PKD1L3: variants seen among roughly 807,000 people sequenced by gnomAD.
The protein encoded by PKD1L3 is polycystin 1 like 3, transient receptor potential channel interacting.
PKD1L3 carries 239 observed loss-of-function variants against 184.1 expected under a neutral mutation model. That is an observed-to-expected ratio of 1.30 (90% CI 1.17 to 1.45). The LOEUF is 1.45. PKD1L3 is among the 40% of genes most tolerant of loss of function. PKD1L3 has a pLI of 0.00. For missense variants in PKD1L3, 2,660 were observed against 2,067.2 expected (o/e 1.29, Z -5.56); for synonymous variants, 996 against 778.8 (o/e 1.28, Z -4.64).
rs998506440 is a variant in PKD1L3 at position 71,977,088 on chromosome 16, T to C, written c.1759+148A>G. ...ATTAGCCAGATGTGGTGGTGCGCAC[T>C]TGTAGTCCCAGCTACTTAAGAGGCT... On this transcript the variant is annotated intron_variant, in intron 11 of 29. Transcript: ENST00000620267. 4.5e-5 allele frequency: 30 copies of C among 662,480 alleles called. No individual in the cohort carries two copies. In the Admixed American group the frequency reaches 7.8e-4, roughly 17 times the overall value. 41.0% of individuals were successfully genotyped at this position (662,480 alleles called of 1,614,324 possible).
chr16:71,931,424 C>T (rs1409359416), intron 28 of PKD1L3, among the ~76,000 whole-genome samples: 1 of 150,634 alleles, frequency 6.6e-6, no homozygotes, highest in Non-Finnish European at 1.5e-5. Flanking sequence ...TTTTTAATTG[C>T]AAGCTTCCCT....
At chr16:71,944,957 C>A (rs1597293410) in intron 22 of PKD1L3, among the ~76,000 whole-genome samples, 1 of 149,654 alleles carries the variant, frequency 6.7e-6, no homozygotes. Context: ...GACCCTGTCT[C>A]TTAAAAAAAA....
chr16:71,950,146 T>C lies in PKD1L3; in HGVS notation c.3355A>G (p.Ile1119Val), dbSNP rs1440031861. ...GATGGCTCTTGCTCCGTGGGAAGAA[T>C]ATGTGTTTCCAAGAGTTCCTGGAGT... is the stretch of plus-strand genomic sequence containing the variant. ...QKLQELLETHILPTEQEPSRE... is the reference protein window; with the variant it reads ...QKLQELLETHVLPTEQEPSRE... Residue 1119 changes from isoleucine (I) to valine (V), a missense_variant, in exon 20 of 30, where the codon ATT becomes GTT. Ile to Val is a conservative substitution (Grantham distance 29). Coordinates refer to ENST00000620267, the MANE Select transcript of PKD1L3 (RefSeq NM_181536.2). 1.9e-6 allele frequency: 3 copies of C among 1,552,142 alleles called. No homozygotes were observed. Among genetic ancestry groups the C allele is most frequent in the Admixed American group, 2.0e-5 (1 of 50,958 alleles).
At chr16:71,957,499 T>C (rs1057031269) in intron 16 of PKD1L3, among the ~76,000 whole-genome samples, 1 of 152,048 alleles carries the variant, frequency 6.6e-6, no homozygotes, top group Admixed American at 6.6e-5. Flanking sequence ...CACAAATGAA[T>C]TGAAATTAAA....
intron 25 of PKD1L3, among the ~76,000 whole-genome samples, chr16:71,936,908 C>G (rs1253779176): frequency 6.6e-6 from 1 of 152,190 alleles, no homozygotes; most frequent in Non-Finnish European, 1.5e-5. Flanking sequence ...AAGAGCCAAT[C>G]TATTTGGTGG....
At chr16:71,961,592 A>T (rs1403822474) in intron 16 of PKD1L3, among the ~76,000 whole-genome samples, 1 of 152,032 alleles carries the variant, frequency 6.6e-6, no homozygotes, top group African/African-American at 2.4e-5. Context: ...ACAGCCACAG[A>T]TGAGCTCTCA....
chr16:71,994,189 G>T (rs1277745802), intron 2 of PKD1L3, among the ~76,000 whole-genome samples: 1 of 152,098 alleles, frequency 6.6e-6, no homozygotes, highest in Admixed American at 6.6e-5. Flanking sequence ...GCTTAAATTC[G>T]CTATCGTGAA....
Position 71,936,530 on chromosome 16 carries a change from T to C in PKD1L3, c.4452+762A>G, listed in dbSNP as rs1434036955. On this transcript the variant is annotated intron_variant, in intron 25 of 29. Transcript: ENST00000620267. ...TCACTTTTTTTTTTCTTTTTTTTTT[T>C]TTTTTTGAGATGCAGTTTCACTCTT... is the stretch of plus-strand genomic sequence containing the variant. Among the ~76,000 whole-genome samples, 3 of 150,386 alleles carry C rather than the reference T, an allele frequency of 2.0e-5. No homozygotes were observed. The East Asian group carries it at 5.8e-4, about 29-fold the overall frequency.
intron 25 of PKD1L3, among the ~76,000 whole-genome samples, chr16:71,936,948 G>T (rs1482912010): frequency 6.6e-6 from 1 of 152,094 alleles, no homozygotes; most frequent in Non-Finnish European, 1.5e-5. Context: ...CTGAATTCAG[G>T]TTTCTGAAAA....
rs1266450087 is a variant in PKD1L3 at position 71,950,193 on chromosome 16, T to A, written c.3308A>T (p.Asp1103Val). 2 of 1,552,166 alleles carry A rather than the reference T, an allele frequency of 1.3e-6. No homozygotes were observed. The highest frequency in any genetic ancestry group is 4.9e-5 in the East Asian group (2 of 40,934). Residue 1103 changes from aspartate to valine, a missense_variant, in exon 20 of 30, where the codon GAT (aspartate) becomes GTT (valine). Asp to Val is a radical substitution (Grantham distance 152). Coordinates refer to ENST00000620267, the MANE Select transcript of PKD1L3 (RefSeq NM_181536.2). Reference protein sequence around the residue: ...TQGHQSCDFLDAASQLQKLQE... With the variant: ...TQGHQSCDFLVAASQLQKLQE... ...GAGTTTTTGAAGTTGGCTGGCTGCA[T>A]CTAGGAAGTCACAGGACTGGTGACC...
At chr16:71,932,337 T>C (rs946591727) in intron 28 of PKD1L3, among the ~76,000 whole-genome samples, 1 of 152,192 alleles carries the variant, frequency 6.6e-6, no homozygotes, top group African/African-American at 2.4e-5. Flanking sequence ...ACTTTATATG[T>C]TGAGGAGGAA....
intron 13 of PKD1L3, among the ~76,000 whole-genome samples, chr16:71,969,244 C>G (rs2039617672): frequency 6.6e-6 from 1 of 152,072 alleles, no homozygotes; most frequent in Non-Finnish European, 1.5e-5. Flanking sequence ...TTACATGTAA[C>G]TTTCATATCC....
Position 71,993,211 on chromosome 16 carries a change from A to C in PKD1L3, c.535+5T>G. ...TTTAAGGTTACTAGAGGAGTAACGC[A>C]TTACCTGGGGGCATTTTGTCTCTTG... On this transcript the variant is annotated splice_donor_5th_base_variant and intron_variant, in intron 3 of 29. Coordinates refer to ENST00000620267, the MANE Select transcript of PKD1L3 (RefSeq NM_181536.2). 1 of 1,535,126 alleles carries C rather than the reference A, an allele frequency of 6.5e-7. No homozygotes were observed. Among genetic ancestry groups the C allele is most frequent in the Non-Finnish European group, 8.8e-7 (1 of 1,134,694 alleles).
intron 29 of PKD1L3, 97 bp from the exon 30 acceptor site, chr16:71,929,775 A>G: frequency 8.4e-7 from 1 of 1,185,912 alleles, no homozygotes; most frequent in East Asian, 2.6e-5. Flanking sequence ...AAATTAGTAA[A>G]TGTAAAGATA....
intron 28 of PKD1L3, among the ~76,000 whole-genome samples, chr16:71,931,575 C>G (rs957719631): frequency 6.6e-6 from 1 of 151,022 alleles, no homozygotes. Context: ...AGCGATTCTC[C>G]TCAGTCAGTC....
At chr16:71,936,419 T>C (rs924158757) in intron 25 of PKD1L3, among the ~76,000 whole-genome samples, 1 of 151,946 alleles carries the variant, frequency 6.6e-6, no homozygotes, top group Non-Finnish European at 1.5e-5. Flanking sequence ...GCCAGGCTGG[T>C]CTTGAACTCC....
At chr16:71,943,881 C>G (rs560804332) in intron 23 of PKD1L3, 149 bp downstream of exon 23, 2 of 960,328 alleles carry the variant, frequency 2.1e-6, no homozygotes, top group African/African-American at 3.3e-5. Context: ...ACCATCCCAC[C>G]TGCTTTACTG....
At chr16:71,990,005 G>T (rs560202861) in intron 4 of PKD1L3, among the ~76,000 whole-genome samples, 90 of 150,898 alleles carry the variant, frequency 6.0e-4, no homozygotes, top group African/African-American at 2.1e-3. Flanking sequence ...AACCCGGGAG[G>T]TAGAGGTTGC....
intron 22 of PKD1L3, among the ~76,000 whole-genome samples, chr16:71,945,172 T>A (rs1329625168): frequency 3.2e-5 from 2 of 62,406 alleles, no homozygotes; most frequent in African/African-American, 4.3e-5. Flanking sequence ...TGTTCTATAG[T>A]GGTATTCTCA....
Sources: gnomAD v4.1 joint callset for allele counts (sites outside exome capture counted in the v4.1 genomes callset) on GRCh38, gnomAD v4.1.1 for gene constraint, MANE v1.5 for transcripts, NCBI Gene and HGNC (gene_info 2026-07-23, HGNC 2026-07-21) for gene names.